Variants in SMOC1 observed in about 807,000 individuals in gnomAD.
SMOC1 encodes SPARC related modular calcium binding 1, also known as SPARC-related modular calcium-binding protein 1.
A neutral mutation model predicts 56.3 loss-of-function variants in SMOC1; 22 were observed. The observed-to-expected ratio is 0.39, with a 90% CI of 0.28 to 0.56. SMOC1 has a LOEUF of 0.56. Among genes scored for constraint, SMOC1 ranks in the 20% least tolerant of loss-of-function variants. SMOC1 has a pLI of 0.61. For synonymous variants in SMOC1, 193 were observed against 215.0 expected (o/e 0.90, Z 0.89); for missense variants, 509 against 565.4 (o/e 0.90, Z 1.01).
chr14:69,958,288 A>G (rs12586293), intron 3 of SMOC1, among the ~76,000 whole-genome samples: 52,393 of 152,038 alleles, frequency 0.34, 9,397 homozygotes, highest in African/African-American at 0.42. Context: ...GAGAAAAACT[A>G]AACTAAAAGC....
chr14:70,027,991 G>T (rs768124556), intron 11 of SMOC1, among the ~76,000 whole-genome samples: 6 of 152,180 alleles, frequency 3.9e-5, no homozygotes, highest in Non-Finnish European at 8.8e-5. Context: ...GTGTCGTGCG[G>T]TGCCCCCTGG....
chr14:70,023,607 G>A (rs368212190), intron 11 of SMOC1, among the ~76,000 whole-genome samples, 160 bp downstream of exon 11: 12 of 152,178 alleles, frequency 7.9e-5, no homozygotes, highest in African/African-American at 2.4e-4. Context: ...AGACAGTGGT[G>A]GAATTGACTG....
At chr14:70,029,954 C>T (rs974316362) in intron 11 of SMOC1, among the ~76,000 whole-genome samples, 1 of 152,180 alleles carries the variant, frequency 6.6e-6, no homozygotes, top group Non-Finnish European at 1.5e-5. Context: ...ACCCTGCAAC[C>T]CACACTTCCC....
At chr14:69,894,834 A>T (rs1884052988) in intron 1 of SMOC1, among the ~76,000 whole-genome samples, 1 of 152,198 alleles carries the variant, frequency 6.6e-6, no homozygotes, top group African/African-American at 2.4e-5. Flanking sequence ...AGTTTGGAAA[A>T]TTTCAGAATA....
intron 1 of SMOC1, among the ~76,000 whole-genome samples, chr14:69,940,378 G>A (rs1882506299): frequency 6.6e-6 from 1 of 152,228 alleles, no homozygotes; most frequent in South Asian, 2.1e-4. Flanking sequence ...CAGGCTCAGT[G>A]CCATGCTAGA....
At chr14:69,983,138 C>T (rs149100874) in intron 5 of SMOC1, among the ~76,000 whole-genome samples, 27 of 152,294 alleles carry the variant, frequency 1.8e-4, no homozygotes, top group African/African-American at 5.5e-4. Context: ...TCCAGGGTCT[C>T]TGAAGAAAAG....
intron 10 of SMOC1, 128 bp downstream of exon 10, chr14:70,013,619 T>C: frequency 3.7e-6 from 3 of 802,240 alleles, no homozygotes; most frequent in Non-Finnish European, 6.4e-6. Context: ...ATCTTTTTCC[T>C]GAAACCATGT....
At chr14:69,943,006 G>A (rs1882624406) in intron 1 of SMOC1, among the ~76,000 whole-genome samples, 1 of 152,150 alleles carries the variant, frequency 6.6e-6, no homozygotes, top group African/African-American at 2.4e-5. Flanking sequence ...TGTGGCTGCT[G>A]GTGGTGGGGG....
intron 7 of SMOC1, among the ~76,000 whole-genome samples, chr14:70,001,743 T>C (rs183585525): frequency 1.3e-4 from 20 of 152,312 alleles, no homozygotes; most frequent in Non-Finnish European, 2.1e-4. Context: ...CCAGGTTTAA[T>C]GTTTTTCACA....
intron 5 of SMOC1, among the ~76,000 whole-genome samples, chr14:69,983,917 G>C (rs1456997551): frequency 6.6e-6 from 1 of 152,222 alleles, no homozygotes; most frequent in African/African-American, 2.4e-5. Flanking sequence ...TCACTCTCAG[G>C]TTCCATTGCA....
At position 69,994,248 on chromosome 14, in the gene SMOC1, G is replaced by T; in HGVS notation, c.584-152G>T. 12 of 760,656 alleles carry T rather than the reference G, an allele frequency of 1.6e-5. No homozygotes were observed. The South Asian group carries it at 1.7e-4, about 11-fold the overall frequency. 47.1% of individuals were successfully genotyped at this position (760,656 alleles called of 1,614,324 possible). A position where few individuals can be genotyped will look rare whatever the true frequency, so the allele number is the denominator to read the frequency against. On this transcript the variant is annotated intron_variant, in intron 6 of 11. Transcript: ENST00000361956. The stretch of plus-strand genomic sequence containing the variant: ...GGAGAGAAGCTTCCGTTGTGAGGAA[G>T]GGAGGGGAACTGGGAGGAGTGGATG...
intron 1 of SMOC1, among the ~76,000 whole-genome samples, chr14:69,914,289 T>C (rs1318767167): frequency 1.3e-5 from 2 of 152,218 alleles, no homozygotes; most frequent in African/African-American, 4.8e-5. Flanking sequence ...CTGTTGCAAA[T>C]ACTAAACTCT....
At chr14:70,004,172 G>T (rs1885068785) in intron 7 of SMOC1, among the ~76,000 whole-genome samples, 1 of 152,168 alleles carries the variant, frequency 6.6e-6, no homozygotes, top group Non-Finnish European at 1.5e-5. Context: ...ATTCATCAAG[G>T]CATCTTCCCA....
intron 10 of SMOC1, among the ~76,000 whole-genome samples, chr14:70,017,096 T>C (rs1252963305): frequency 6.6e-6 from 1 of 152,158 alleles, no homozygotes; most frequent in Non-Finnish European, 1.5e-5. Flanking sequence ...TAAAATATGA[T>C]AAATGAATAA....
At chr14:69,909,254 G>T (rs1594796813) in intron 1 of SMOC1, among the ~76,000 whole-genome samples, 1 of 152,292 alleles carries the variant, frequency 6.6e-6, no homozygotes, top group East Asian at 1.9e-4. Flanking sequence ...TGGTGTCCCT[G>T]AATCATGGTG....
intron 1 of SMOC1, among the ~76,000 whole-genome samples, chr14:69,899,011 G>A (rs990474480): frequency 2.0e-5 from 3 of 152,198 alleles, no homozygotes; most frequent in Admixed American, 6.5e-5. Context: ...CCCTTGGGCT[G>A]TGAACTTCGT....
At chr14:69,935,361 A>G (rs1885268963) in intron 1 of SMOC1, among the ~76,000 whole-genome samples, 2 of 152,232 alleles carry the variant, frequency 1.3e-5, no homozygotes, top group African/African-American at 2.4e-5. Flanking sequence ...TGCTTTCCCT[A>G]GAAGAAATAG....
rs527895245 is a variant in SMOC1 at position 69,885,869 on chromosome 14, G to A, written c.99+6092G>A. 8.7e-5 allele frequency: 139 copies of A among 1,601,226 alleles called. No individual in the cohort carries two copies. In the African/African-American group the frequency reaches 1.8e-3, roughly 20 times the overall value. ...GGCCAGCTTAAGCAGCTGAGTAGCT[G>A]TTTGGCGGTCCAGGGCCTGGGTGAA... On this transcript the variant is annotated intron_variant, in intron 1 of 11. Coordinates refer to ENST00000361956, the MANE Select transcript of SMOC1 (RefSeq NM_001034852.3).
At chr14:69,941,079 T>G (rs967958105) in intron 1 of SMOC1, among the ~76,000 whole-genome samples, 6 of 151,984 alleles carry the variant, frequency 3.9e-5, no homozygotes, top group African/African-American at 1.4e-4. Context: ...AAAGAAGTAT[T>G]TTGATCTCCA....
Sources: allele counts gnomAD v4.1 joint callset (sites outside exome capture counted in the v4.1 genomes callset), GRCh38; gene constraint gnomAD v4.1.1; transcripts MANE v1.5; gene names NCBI Gene and HGNC (gene_info 2026-07-23, HGNC 2026-07-21).